Variants in PIP5K1B observed in about 807,000 individuals in gnomAD.
The protein encoded by PIP5K1B is phosphatidylinositol-4-phosphate 5-kinase type 1 beta.
In PIP5K1B, 42 loss-of-function variants were observed where a neutral mutation model predicts 67.0. That is an observed-to-expected ratio of 0.63 (90% CI 0.49 to 0.81). The LOEUF (loss-of-function observed/expected upper bound fraction) is 0.81. PIP5K1B is among the 30% of genes least tolerant of loss of function. PIP5K1B has a pLI of 0.00. For missense variants in PIP5K1B, 459 were observed against 646.3 expected, an observed-to-expected ratio of 0.71 and a Z score of 3.14; for synonymous variants, 214 against 231.4, an observed-to-expected ratio of 0.92 and a Z score of 0.68.
intron 11 of PIP5K1B, among the ~76,000 whole-genome samples, chr9:68,921,301 A>C (rs1826388256): frequency 6.6e-6 from 1 of 152,064 alleles, no homozygotes; most frequent in Admixed American, 6.5e-5. Flanking sequence ...TCTAAAAGAA[A>C]ATTTTTTAAT....
intron 11 of PIP5K1B, among the ~76,000 whole-genome samples, chr9:68,921,571 C>T (rs1021583136): frequency 2.0e-5 from 3 of 149,844 alleles, no homozygotes; most frequent in Admixed American, 2.0e-4. Context: ...CATCTAAGGG[C>T]CCCCCACCTT....
chr9:68,875,917 G>A (rs763926871), intron 5 of PIP5K1B, among the ~76,000 whole-genome samples: 2 of 152,150 alleles, frequency 1.3e-5, no homozygotes, highest in Admixed American at 6.5e-5. Context: ...CAACATTTAG[G>A]CCAGTGGATC....
chr9:69,007,833 G>A (rs1353729979), intron 15 of PIP5K1B, among the ~76,000 whole-genome samples: 1 of 151,776 alleles, frequency 6.6e-6, no homozygotes, highest in Non-Finnish European at 1.5e-5. Flanking sequence ...CTCCAGCCTG[G>A]GCAACAGAGT....
intron 2 of PIP5K1B, chr9:68,784,245 G>A (rs960541320): frequency 1.0e-4 from 17 of 167,178 alleles, no homozygotes; most frequent in Admixed American, 6.5e-5. Flanking sequence ...CCTTCAAAAA[G>A]CATTTTTAAG....
intron 2 of PIP5K1B, chr9:68,783,739 C>T (rs904800073): frequency 1.8e-4 from 30 of 167,086 alleles, no homozygotes; most frequent in Admixed American, 8.5e-4. Context: ...CAGCATTTCC[C>T]TCTTAGGCTT....
intron 8 of PIP5K1B, among the ~76,000 whole-genome samples, chr9:68,909,532 G>A (rs145358960): frequency 2.0e-5 from 3 of 152,184 alleles, no homozygotes; most frequent in African/African-American, 7.2e-5. Context: ...TTTGGATCAG[G>A]ATTTAAATAG....
chr9:68,892,077 T>C (rs929302108), intron 7 of PIP5K1B, among the ~76,000 whole-genome samples: 1 of 152,174 alleles, frequency 6.6e-6, no homozygotes, highest in African/African-American at 2.4e-5. Flanking sequence ...CAAAACGTTA[T>C]TGAAGGACAT....
chr9:68,961,078 C>T (rs1008306484), intron 14 of PIP5K1B, among the ~76,000 whole-genome samples: 12 of 151,954 alleles, frequency 7.9e-5, no homozygotes, highest in African/African-American at 1.5e-4. Flanking sequence ...GGCGCGGTGG[C>T]GGGCGCCTGT....
At chr9:68,967,258 A>G (rs1829088576) in intron 14 of PIP5K1B, among the ~76,000 whole-genome samples, 1 of 152,174 alleles carries the variant, frequency 6.6e-6, no homozygotes, top group Non-Finnish European at 1.5e-5. Context: ...CTAATAAATG[A>G]TCTCTCATAA....
At chr9:68,725,113 T>C (rs768617446) in intron 1 of PIP5K1B, among the ~76,000 whole-genome samples, 1 of 152,202 alleles carries the variant, frequency 6.6e-6, no homozygotes, top group Non-Finnish European at 1.5e-5. Context: ...CTTTTGGCAG[T>C]TCCACTACAC....
At chr9:68,930,357 A>G (rs988639788) in intron 12 of PIP5K1B, among the ~76,000 whole-genome samples, 7 of 151,614 alleles carry the variant, frequency 4.6e-5, no homozygotes, top group African/African-American at 1.7e-4. Context: ...GCCACTTACC[A>G]CCCCAGAGTC....
At chr9:68,968,715 A>ATATT (rs779031015) in intron 14 of PIP5K1B, among the ~76,000 whole-genome samples, 64 of 142,224 alleles carry the variant, frequency 4.5e-4, no homozygotes, top group African/African-American at 1.3e-3. Flanking sequence ...ATATATATAT[A>ATATT]TTTTTTTTTT....
At chr9:68,922,460 C>CAAAAAAAAGAAAGAA (rs1554738182) in intron 11 of PIP5K1B, among the ~76,000 whole-genome samples, 1 of 128,258 alleles carries the variant, frequency 7.8e-6, no homozygotes, top group Non-Finnish European at 1.6e-5. Flanking sequence ...GACTCTGTCT[C>CAAAAAAAAGAAAGAA]AAAAAAAAAG....
intron 1 of PIP5K1B, among the ~76,000 whole-genome samples, chr9:68,735,316 C>CT (rs558810934): frequency 0.018 from 529 of 29,816 alleles, 164 homozygotes; most frequent in African/African-American, 0.067. Flanking sequence ...CCCCTAGTGT[C>CT]TTTTTTTTTT....
At chr9:68,712,304 A>G (rs1250779662) in intron 1 of PIP5K1B, among the ~76,000 whole-genome samples, 1 of 152,230 alleles carries the variant, frequency 6.6e-6, no homozygotes. Context: ...AGATGCTGGC[A>G]CTGTGCCTTA....
intron 1 of PIP5K1B, among the ~76,000 whole-genome samples, chr9:68,717,894 A>G (rs1827707905): frequency 6.6e-6 from 1 of 152,120 alleles, no homozygotes; most frequent in African/African-American, 2.4e-5. Context: ...GTCCTCTGTT[A>G]TTTTCTGTTG....
At chr9:68,843,203 GA>G (rs1287675212) in intron 4 of PIP5K1B, 1 of 152,256 alleles carries the variant, frequency 6.6e-6, no homozygotes, top group African/African-American at 2.4e-5. Flanking sequence ...CCCAGTCAGG[GA>G]ACCCTATGCC....
chr9:68,946,936 T>C (rs1050298911), intron 14 of PIP5K1B, among the ~76,000 whole-genome samples: 1 of 152,234 alleles, frequency 6.6e-6, no homozygotes, highest in Admixed American at 6.5e-5. Flanking sequence ...AGAGTTGTTA[T>C]AAAGATTAAA....
At chr9:68,767,459 TGGTGCAC>T (rs918883426) in intron 2 of PIP5K1B, among the ~76,000 whole-genome samples, 1 of 151,846 alleles carries the variant, frequency 6.6e-6, no homozygotes, top group African/African-American at 2.4e-5. Flanking sequence ...CCAGGTGTGG[TGGTGCAC>T]ACCTGTAATC....
Sources: gnomAD v4.1 joint callset for allele counts (sites outside exome capture counted in the v4.1 genomes callset) on GRCh38, gnomAD v4.1.1 for gene constraint, MANE v1.5 for transcripts, NCBI Gene and HGNC (gene_info 2026-07-23, HGNC 2026-07-21) for gene names.